STARD13: variants seen among roughly 807,000 people sequenced by gnomAD.
The protein encoded by STARD13 is stAR-related lipid transfer protein 13.
Under a neutral mutation model 106.4 loss-of-function variants are expected in STARD13, and 62 were observed. The observed-to-expected ratio is 0.58, with a 90% CI of 0.48 to 0.72. The LOEUF is 0.72. STARD13 is among the 30% of genes least tolerant of loss of function. The probability of loss-of-function intolerance (pLI) is 0.00; values close to 1 mark genes in which losing one functional copy is unlikely to be tolerated. For synonymous variants in STARD13, 565 were observed against 553.0 expected (o/e 1.02, Z -0.31); for missense variants, 1,387 against 1,424.0 (o/e 0.97, Z 0.42).
chr13:33,436,908 G>A, the STARD13 span, among the ~76,000 whole-genome samples: 1 of 152,080 alleles, frequency 6.6e-6, no homozygotes, highest in Non-Finnish European at 1.5e-5. Flanking sequence ...CCTCACAAGG[G>A]TCAACAGTGG....
chr13:33,600,750 A>AG, the STARD13 span, among the ~76,000 whole-genome samples: 1 of 152,244 alleles, frequency 6.6e-6, no homozygotes, highest in African/African-American at 2.4e-5. Context: ...TTTTAAAAAA[A>AG]GTCTTATTTC....
Position 33,118,233 on chromosome 13 carries a change from A to G in STARD13, c.2113T>C (p.Ser705Pro), listed in dbSNP as rs374436929. ...ATTTGGCGAAGGGCATGGATTCGAG[A>G]CTTCACTCCTGATTTGCGAAAAAGA... ...VGLFRKSGVKSRIHALRQMNE... is the reference protein window; with the variant it reads ...VGLFRKSGVKPRIHALRQMNE... The change falls in exon 8 of 14, where the codon TCT becomes CCT. Residue 705 changes from serine to proline, a missense_variant. Physicochemically the swap from Ser to Pro is moderately conservative, Grantham distance 74. Transcript: ENST00000336934. 3.7e-6 allele frequency: 6 copies of G among 1,614,052 alleles called. No homozygotes were observed. Among genetic ancestry groups the G allele is most frequent in the Non-Finnish European group, 5.1e-6 (6 of 1,180,040 alleles).
chr13:33,606,396 T>G, the STARD13 span, among the ~76,000 whole-genome samples: 1 of 152,210 alleles, frequency 6.6e-6, no homozygotes, highest in South Asian at 2.1e-4. Context: ...TGTAGAATAT[T>G]TCTCAGGATA....
At chr13:33,499,627 TCTTCTTCTTCTTCTTCTTCTC>T in the STARD13 span, among the ~76,000 whole-genome samples, 80 of 113,474 alleles carry the variant, frequency 7.1e-4, 3 homozygotes, top group African/African-American at 4.0e-3. Flanking sequence ...TTCTTCTTCT[TCTTCTTCTTCTTCTTCTTCTC>T]CTTCTTCTTC....
chr13:33,350,561 G>A (rs1339915880), exon 1 of STARD13: 24 of 1,399,188 alleles, frequency 1.7e-5, no homozygotes, highest in Middle Eastern at 2.1e-4. Flanking sequence ...GGGTCGGTCC[G>A]GCGCTGGGAG....
chr13:33,320,671 A>G (rs1328148913), intron 1 of STARD13, among the ~76,000 whole-genome samples: 4 of 152,164 alleles, frequency 2.6e-5, no homozygotes, highest in African/African-American at 9.7e-5. Flanking sequence ...TATTTTTTAA[A>G]TGAATAAAAA....
the STARD13 span, among the ~76,000 whole-genome samples, chr13:33,399,156 T>TA: frequency 6.6e-6 from 1 of 152,084 alleles, no homozygotes; most frequent in Non-Finnish European, 1.5e-5. Context: ...TATTCAGGCA[T>TA]AAAAAAGAAA....
chr13:33,185,781 C>T, intron 1 of STARD13: 1 of 1,220,050 alleles, frequency 8.2e-7, no homozygotes, highest in Admixed American at 1.8e-5. Context: ...TCCTTCCAGA[C>T]CACCTGACCA....
the STARD13 span, among the ~76,000 whole-genome samples, chr13:33,507,955 G>A: frequency 6.6e-6 from 1 of 152,160 alleles, no homozygotes; most frequent in Admixed American, 6.6e-5. Flanking sequence ...AGGGGTGGCA[G>A]AGGTGGAGGA....
At chr13:33,167,003 CA>C (rs139921719) in intron 2 of STARD13, among the ~76,000 whole-genome samples, 6 of 126,788 alleles carry the variant, frequency 4.7e-5, no homozygotes, top group Non-Finnish European at 3.4e-5. Context: ...CAAAAAAAAA[CA>C]AAAAAAAAAC....
chr13:33,195,456 A>G (rs1204550360), intron 1 of STARD13, among the ~76,000 whole-genome samples: 1 of 152,190 alleles, frequency 6.6e-6, no homozygotes, highest in Non-Finnish European at 1.5e-5. Context: ...TCACTGAATC[A>G]TTGCTTGTAT....
chr13:33,304,654 A>C (rs1371203272), intron 1 of STARD13, among the ~76,000 whole-genome samples: 7 of 152,196 alleles, frequency 4.6e-5, no homozygotes, highest in African/African-American at 7.2e-5. Context: ...TGACATTCTA[A>C]GATCTACCCT....
the STARD13 span, among the ~76,000 whole-genome samples, chr13:33,430,053 G>A: frequency 6.6e-6 from 1 of 151,978 alleles, no homozygotes; most frequent in Non-Finnish European, 1.5e-5. Flanking sequence ...GAGTAGCTGG[G>A]ACTACAGGCG....
At chr13:33,333,562 G>T (rs1180653541) in intron 1 of STARD13, 1 of 152,208 alleles carries the variant, frequency 6.6e-6, no homozygotes, top group Non-Finnish European at 1.5e-5. Flanking sequence ...CTACAAAGCT[G>T]ACAGGTGCAC....
At chr13:33,352,841 C>A (rs143374010), upstream of STARD13, among the ~76,000 whole-genome samples, 40 of 152,318 alleles carry the variant, frequency 2.6e-4, no homozygotes, top group African/African-American at 9.4e-4. Context: ...GTACAGCATC[C>A]GCTCTCATTC....
intron 1 of STARD13, among the ~76,000 whole-genome samples, chr13:33,258,975 A>G (rs1890504937): frequency 6.6e-6 from 1 of 152,236 alleles, no homozygotes; most frequent in African/African-American, 2.4e-5. Flanking sequence ...TGTCTCTTTC[A>G]AAAGTCAACA....
intron 1 of STARD13, among the ~76,000 whole-genome samples, chr13:33,306,303 T>TTA (rs1892903709): frequency 6.6e-6 from 1 of 152,230 alleles, no homozygotes; most frequent in South Asian, 2.1e-4. Context: ...AACCCCTTCC[T>TTA]TATATCTTAT....
At chr13:33,304,793 A>G (rs1051452282) in intron 1 of STARD13, among the ~76,000 whole-genome samples, 3 of 152,144 alleles carry the variant, frequency 2.0e-5, no homozygotes, top group Admixed American at 2.0e-4. Context: ...TTTCCATCAT[A>G]GTTATTTGTT....
rs567791619 is a variant in STARD13 at position 33,146,446 on chromosome 13, T to G, written c.324-4073A>C. ...CTGCAGTGAGCTGAGACCACGCCAC[T>G]GCACTCCAGCCTGGGTGACATAGTA... On this transcript the variant is annotated intron_variant, in intron 3 of 13. Transcript: ENST00000336934. Among the ~76,000 whole-genome samples, 12 of 152,322 alleles carry G rather than the reference T, an allele frequency of 7.9e-5. No individual in the cohort carries two copies. In the South Asian group the frequency reaches 2.3e-3, roughly 29 times the overall value.
Sources: gnomAD v4.1 joint callset for allele counts (sites outside exome capture counted in the v4.1 genomes callset) on GRCh38, gnomAD v4.1.1 for gene constraint, MANE v1.5 for transcripts, NCBI Gene and HGNC (gene_info 2026-07-23, HGNC 2026-07-21) for gene names.